SHQ1: variants seen among roughly 807,000 people sequenced by gnomAD.
SHQ1 encodes protein SHQ1 homolog.
SHQ1 carries 49 observed loss-of-function variants against 53.8 expected under a neutral mutation model. That is an observed-to-expected ratio of 0.91 (90% CI 0.72 to 1.16). The LOEUF (loss-of-function observed/expected upper bound fraction) is 1.16. Among genes scored for constraint, SHQ1 ranks in the 50% most tolerant of loss-of-function variants. SHQ1 has a pLI of 0.00. For missense variants in SHQ1, 738 were observed against 683.1 expected, an observed-to-expected ratio of 1.08 and a Z score of -0.90; for synonymous variants, 243 against 251.0, an observed-to-expected ratio of 0.97 and a Z score of 0.30.
intron 9 of SHQ1, among the ~76,000 whole-genome samples, chr3:72,803,272 T>C (rs1458356862): frequency 6.6e-6 from 1 of 152,228 alleles, no homozygotes; most frequent in Non-Finnish European, 1.5e-5. Flanking sequence ...TTTTTAAAAC[T>C]GGCAATACTA....
At chr3:72,833,054 T>A (rs1707869144) in intron 4 of SHQ1, among the ~76,000 whole-genome samples, 1 of 152,184 alleles carries the variant, frequency 6.6e-6, no homozygotes, top group East Asian at 1.9e-4. Flanking sequence ...TAATCCCACA[T>A]GCGAAATGCT....
At chr3:72,809,685 G>A (rs1292165843) in intron 9 of SHQ1, 1 of 152,144 alleles carries the variant, frequency 6.6e-6, no homozygotes, top group Non-Finnish European at 1.5e-5. Context: ...TGGGCCAGGT[G>A]CGGTGGCTCA....
chr3:72,811,140 A>G (rs936146184), intron 9 of SHQ1, among the ~76,000 whole-genome samples: 2 of 152,190 alleles, frequency 1.3e-5, no homozygotes, highest in Middle Eastern at 3.2e-3. Flanking sequence ...ATTACTTCCC[A>G]GAATAAAAAG....
chr3:72,737,380 A>T, the SHQ1 span, among the ~76,000 whole-genome samples: 1 of 152,190 alleles, frequency 6.6e-6, no homozygotes, highest in Non-Finnish European at 1.5e-5. Context: ...AACCCTCTGA[A>T]GGCAGAGTCT....
At position 72,817,335 on chromosome 3, in the gene SHQ1, T is replaced by C; in HGVS notation, c.777A>G (p.Lys259=). The change falls in exon 7 of 11, where the codon AAA becomes AAG. Residue 259 remains lysine, a synonymous_variant. Coordinates refer to ENST00000325599, the MANE Select transcript of SHQ1 (RefSeq NM_018130.3). ...AGGCTCTCTTGTCCAGCAGATAAGA[T>C]TTATTGACAAATTTTCGTAGCTGAT... is the stretch of plus-strand genomic sequence containing the variant. ...EKYQLRKFVN[K]SYLLDKRACR... is the part of the protein sequence containing the mutation. 6.2e-7 allele frequency: 1 copy of C among 1,613,326 alleles called. No individual in the cohort carries two copies.
chr3:72,813,830 C>CTTTT (rs931930903), intron 8 of SHQ1, among the ~76,000 whole-genome samples: 1 of 108,202 alleles, frequency 9.2e-6, no homozygotes, highest in Non-Finnish European at 1.8e-5. Context: ...TCCTCTTTTT[C>CTTTT]TTTTTTTTTT....
chr3:72,813,465 CAA>C (rs938471344), intron 8 of SHQ1, among the ~76,000 whole-genome samples: 9 of 61,424 alleles, frequency 1.5e-4, no homozygotes, highest in Admixed American at 2.0e-4. Flanking sequence ...GACTCCATCT[CAA>C]AAAAAAAAAA....
intron 10 of SHQ1, among the ~76,000 whole-genome samples, chr3:72,751,351 T>A (rs547171019): frequency 2.0e-3 from 302 of 151,670 alleles, no homozygotes; most frequent in African/African-American, 7.2e-3. Flanking sequence ...ATTCAGGAGG[T>A]GGAGGTTGCA....
At chr3:72,830,924 G>C (rs969024301) in intron 5 of SHQ1, among the ~76,000 whole-genome samples, 1 of 152,190 alleles carries the variant, frequency 6.6e-6, no homozygotes, top group Non-Finnish European at 1.5e-5. Flanking sequence ...AGTTTTAGAA[G>C]AGAGGAGATA....
chr3:72,787,189 G>A (rs1481546786), intron 10 of SHQ1, among the ~76,000 whole-genome samples: 1 of 152,170 alleles, frequency 6.6e-6, no homozygotes, highest in Non-Finnish European at 1.5e-5. Flanking sequence ...AAGGTCAGAA[G>A]ATTTCAGCAA....
At chr3:72,792,892 G>GT (rs1706485456) in intron 10 of SHQ1, 24 bp downstream of exon 10, 6 of 1,562,816 alleles carry the variant, frequency 3.8e-6, no homozygotes, top group South Asian at 2.3e-5. Flanking sequence ...CTAAAAATTC[G>GT]TAAGTAACTC....
intron 10 of SHQ1, chr3:72,753,297 A>G (rs560380142): frequency 2.1e-5 from 21 of 985,468 alleles, no homozygotes; most frequent in East Asian, 1.1e-4. Context: ...ATTCATTTGT[A>G]AAAGTATAGT....
chr3:72,744,075 C>T, the SHQ1 span, among the ~76,000 whole-genome samples: 4,847 of 152,130 alleles, frequency 0.032, 232 homozygotes, highest in African/African-American at 0.096. Context: ...GTATTATGGG[C>T]GAGGCTCTAC....
intron 9 of SHQ1, among the ~76,000 whole-genome samples, chr3:72,803,194 A>C (rs1706842744): frequency 6.6e-6 from 1 of 152,182 alleles, no homozygotes; most frequent in African/African-American, 2.4e-5. Context: ...GTGATTTTAC[A>C]TTACTTTACT....
chr3:72,734,698 TAG>T, the SHQ1 span, among the ~76,000 whole-genome samples: 1 of 151,814 alleles, frequency 6.6e-6, no homozygotes, highest in Non-Finnish European at 1.5e-5. Context: ...GTCAGACCTA[TAG>T]AAGAAAAACA....
chr3:72,802,676 C>T (rs545674989), intron 9 of SHQ1, among the ~76,000 whole-genome samples: 70 of 152,278 alleles, frequency 4.6e-4, no homozygotes, highest in African/African-American at 1.7e-3. Context: ...AAATCCTACA[C>T]ATTCTTTAGT....
intron 9 of SHQ1, among the ~76,000 whole-genome samples, chr3:72,806,757 C>G (rs1706959665): frequency 6.6e-6 from 1 of 152,210 alleles, no homozygotes; most frequent in Admixed American, 6.5e-5. Flanking sequence ...TTCCCTCCAT[C>G]CTTCAAGTCC....
chr3:72,727,086 T>C, the SHQ1 span, among the ~76,000 whole-genome samples: 16 of 152,224 alleles, frequency 1.1e-4, no homozygotes, highest in Non-Finnish European at 2.2e-4. Flanking sequence ...TACTGAAGTC[T>C]GCTATGTAGC....
At chr3:72,793,324 G>A (rs1229177156) in intron 9 of SHQ1, 3 of 205,096 alleles carry the variant, frequency 1.5e-5, no homozygotes, top group Non-Finnish European at 2.9e-5. Flanking sequence ...TGGCTAACAC[G>A]GTGAAACCCT....
Sources: allele counts gnomAD v4.1 joint callset (sites outside exome capture counted in the v4.1 genomes callset), GRCh38; gene constraint gnomAD v4.1.1; transcripts MANE v1.5; gene names NCBI Gene and HGNC (gene_info 2026-07-23, HGNC 2026-07-21).